The following DAB1 variants were observed in gnomAD, a reference collection of about 807,000 sequenced individuals.
The protein encoded by DAB1 is disabled homolog 1.
In DAB1, 15 loss-of-function variants were observed where a neutral mutation model predicts 64.6. That is an observed-to-expected ratio of 0.23 (90% CI 0.16 to 0.36). The LOEUF (loss-of-function observed/expected upper bound fraction) is 0.36, where lower values mean the gene tolerates loss of function less well. DAB1 is among the 10% of genes least tolerant of loss of function. The pLI, the probability that DAB1 is intolerant of heterozygous loss-of-function variation, is 1.00. For missense variants in DAB1, 596 were observed against 706.7 expected, an observed-to-expected ratio of 0.84 and a Z score of 1.78; for synonymous variants, 235 against 251.9, an observed-to-expected ratio of 0.93 and a Z score of 0.64.
chr1:58,312,176 C>CTAAGAAAA (rs1662445680), intron 4 of DAB1, among the ~76,000 whole-genome samples: 1 of 152,054 alleles, frequency 6.6e-6, no homozygotes, highest in African/African-American at 2.4e-5. Context: ...GTGTGTGGCT[C>CTAAGAAAA]TAAGAAAAGA....
chr1:57,011,017 C>T (rs1353616206), intron 13 of DAB1, 128 bp downstream of exon 13: 3 of 1,261,798 alleles, frequency 2.4e-6, no homozygotes, highest in Non-Finnish European at 3.3e-6. Flanking sequence ...CTTTAGCAAC[C>T]CCTTGAGAAC....
At chr1:57,378,687 C>A (rs1394994341) in intron 1 of DAB1, among the ~76,000 whole-genome samples, 2 of 152,126 alleles carry the variant, frequency 1.3e-5, no homozygotes, top group African/African-American at 4.8e-5. Context: ...AAAGACAAAC[C>A]ACAACATATG....
intron 2 of DAB1, among the ~76,000 whole-genome samples, chr1:58,517,231 C>T (rs1438380235): frequency 6.6e-6 from 1 of 152,174 alleles, no homozygotes; most frequent in Non-Finnish European, 1.5e-5. Context: ...AAAGTCCTGA[C>T]CCCTATGCTA....
At chr1:58,204,980 T>C (rs1658189326) in intron 4 of DAB1, among the ~76,000 whole-genome samples, 1 of 152,206 alleles carries the variant, frequency 6.6e-6, no homozygotes, top group Admixed American at 6.5e-5. Flanking sequence ...ATCAGTCTGG[T>C]AGCAGCTCTG....
chr1:58,085,443 T>A (rs1250874694), intron 5 of DAB1, among the ~76,000 whole-genome samples: 1 of 152,048 alleles, frequency 6.6e-6, no homozygotes, highest in South Asian at 2.1e-4. Context: ...TCATAGCTCA[T>A]TGCAGCCTCA....
chr1:57,459,190 A>G (rs1011198469), intron 7 of DAB1, among the ~76,000 whole-genome samples: 2 of 152,080 alleles, frequency 1.3e-5, no homozygotes, highest in African/African-American at 4.8e-5. Context: ...ATAATTTTAA[A>G]CTCCATGTTT....
chr1:58,332,421 T>G (rs1327111215), intron 4 of DAB1, among the ~76,000 whole-genome samples: 5 of 152,174 alleles, frequency 3.3e-5, no homozygotes, highest in Non-Finnish European at 7.4e-5. Flanking sequence ...ATGTTGGAGT[T>G]TGGTTTCAGA....
chr1:57,538,337 C>T (rs2691444), intron 7 of DAB1, among the ~76,000 whole-genome samples: 144,392 of 152,212 alleles, frequency 0.95, 68,915 homozygotes, highest in East Asian at 1. Context: ...AGAAGAACTA[C>T]TGGACACAGT....
chr1:57,100,650 G>A (rs1027819640), intron 4 of DAB1, among the ~76,000 whole-genome samples: 2 of 152,122 alleles, frequency 1.3e-5, no homozygotes, highest in Admixed American at 6.5e-5. Context: ...AGTGGCAGAG[G>A]GGGAGAAGTT....
chr1:58,062,188 T>A (rs1486833999), intron 5 of DAB1, among the ~76,000 whole-genome samples: 3 of 152,188 alleles, frequency 2.0e-5, no homozygotes, highest in African/African-American at 7.2e-5. Flanking sequence ...TTATGTAGCA[T>A]AAGTGGTCTT....
At chr1:58,430,885 T>A (rs915934752) in intron 3 of DAB1, among the ~76,000 whole-genome samples, 8 of 152,230 alleles carry the variant, frequency 5.3e-5, no homozygotes, top group African/African-American at 1.9e-4. Flanking sequence ...AAGCCGCATC[T>A]GGAGAGAAGA....
At chr1:57,451,831 T>C (rs562099206) in intron 7 of DAB1, among the ~76,000 whole-genome samples, 28 of 152,280 alleles carry the variant, frequency 1.8e-4, no homozygotes, top group African/African-American at 6.3e-4. Flanking sequence ...TAACTGGAAC[T>C]CTTTCTGAGC....
At chr1:57,267,371 T>A (rs915107845) in intron 2 of DAB1, among the ~76,000 whole-genome samples, 3 of 152,222 alleles carry the variant, frequency 2.0e-5, no homozygotes, top group Non-Finnish European at 4.4e-5. Context: ...TGTGATAATG[T>A]GTTACAACAG....
At chr1:57,189,860 A>C (rs1663962374) in intron 2 of DAB1, among the ~76,000 whole-genome samples, 1 of 148,658 alleles carries the variant, frequency 6.7e-6, no homozygotes, top group Admixed American at 6.7e-5. Context: ...AAAAAAAAAA[A>C]CACAACAGAA....
rs368456165 is a variant in DAB1 at position 57,584,115 on chromosome 1, C to T, written n.625+65477G>A. Among the ~76,000 whole-genome samples, 6 of 152,302 alleles carry T rather than the reference C, an allele frequency of 3.9e-5. No homozygotes were observed. In the South Asian group the frequency reaches 8.3e-4, roughly 21 times the overall value. Reference sequence around the variant, plus strand: ...GTCTTGGCCAGTCCCAGTGGCTATACTTCAGCCACTCATAAACTGTTGAGT... The same window carrying T: ...GTCTTGGCCAGTCCCAGTGGCTATATTTCAGCCACTCATAAACTGTTGAGT... On this transcript the variant is annotated intron_variant and non_coding_transcript_variant, in intron 7 of 20. Transcript: ENST00000485760.
At chr1:57,320,947 T>C (rs772033010) in intron 1 of DAB1, among the ~76,000 whole-genome samples, 1 of 152,202 alleles carries the variant, frequency 6.6e-6, no homozygotes, top group African/African-American at 2.4e-5. Context: ...TTCTTTTAAC[T>C]TCTACTTTTT....
intron 3 of DAB1, among the ~76,000 whole-genome samples, chr1:58,500,348 G>A: frequency 6.6e-6 from 1 of 152,142 alleles, no homozygotes; most frequent in East Asian, 1.9e-4. Flanking sequence ...GTGTATGTTT[G>A]TGTACACTGG....
chr1:57,804,826 A>G (rs2101877013), intron 6 of DAB1, among the ~76,000 whole-genome samples: 1 of 152,348 alleles, frequency 6.6e-6, no homozygotes, highest in South Asian at 2.1e-4. Context: ...TTCTAAATAT[A>G]TATTTTTAAA....
At chr1:57,384,850 A>T (rs1422673751) in intron 1 of DAB1, among the ~76,000 whole-genome samples, 1 of 152,240 alleles carries the variant, frequency 6.6e-6, no homozygotes, top group Non-Finnish European at 1.5e-5. Flanking sequence ...AACAACATAC[A>T]CTTAAAAATG....
Sources: allele counts gnomAD v4.1 joint callset (sites outside exome capture counted in the v4.1 genomes callset), GRCh38; gene constraint gnomAD v4.1.1; transcripts MANE v1.5; gene names NCBI Gene and HGNC (gene_info 2026-07-23, HGNC 2026-07-21).